The following STK33 variants were observed in gnomAD, a reference collection of about 807,000 sequenced individuals.
STK33 encodes the protein serine/threonine-protein kinase 33.
STK33 carries 52 observed loss-of-function variants against 58.0 expected under a neutral mutation model. That is an observed-to-expected ratio of 0.90 (90% CI 0.72 to 1.13). The LOEUF (loss-of-function observed/expected upper bound fraction) is 1.13. Ranked by LOEUF, STK33 falls within the 50% of genes most tolerant of loss-of-function variation. The pLI is 0.00. For synonymous variants in STK33, 215 were observed against 200.1 expected (o/e 1.07, Z -0.63); for missense variants, 630 against 604.2 (o/e 1.04, Z -0.45).
chr11:8,440,192 A>G (rs1944565008), intron 12 of STK33, among the ~76,000 whole-genome samples: 1 of 152,134 alleles, frequency 6.6e-6, no homozygotes. Flanking sequence ...TGAAAGCTCC[A>G]GCAGCACAAC....
intron 1 of STK33, among the ~76,000 whole-genome samples, chr11:8,536,131 C>T (rs972091948): frequency 3.9e-5 from 6 of 151,914 alleles, no homozygotes; most frequent in Admixed American, 3.9e-4. Context: ...ATGAAGAGAA[C>T]TGAATTAAAG....
At chr11:8,512,914 G>A (rs570914001) in intron 1 of STK33, among the ~76,000 whole-genome samples, 60 of 152,050 alleles carry the variant, frequency 3.9e-4, no homozygotes, top group Non-Finnish European at 8.2e-4. Flanking sequence ...CATATTTAGC[G>A]CCCCTAGGTT....
the STK33 span, among the ~76,000 whole-genome samples, chr11:8,358,841 C>A: frequency 6.6e-6 from 1 of 152,184 alleles, no homozygotes; most frequent in Non-Finnish European, 1.5e-5. Flanking sequence ...TACCTTCCCA[C>A]ATAGTTATTA....
intron 1 of STK33, among the ~76,000 whole-genome samples, chr11:8,550,472 G>A (rs534359523): frequency 1.3e-5 from 2 of 152,014 alleles, no homozygotes; most frequent in Non-Finnish European, 2.9e-5. Flanking sequence ...TGCACTGTCC[G>A]GCTGCAAATT....
chr11:8,459,638 T>C (rs894145783), intron 8 of STK33, among the ~76,000 whole-genome samples: 1 of 152,108 alleles, frequency 6.6e-6, no homozygotes, highest in Non-Finnish European at 1.5e-5. Flanking sequence ...GCTTGCTGTC[T>C]AGGGAGTTTC....
At chr11:8,368,823 C>T in the STK33 span, among the ~76,000 whole-genome samples, 1 of 152,246 alleles carries the variant, frequency 6.6e-6, no homozygotes, top group African/African-American at 2.4e-5. Flanking sequence ...CACCTTAAGA[C>T]ATTGGGTGGT....
At chr11:8,449,460 A>T (rs1310992436) in intron 11 of STK33, among the ~76,000 whole-genome samples, 1 of 151,686 alleles carries the variant, frequency 6.6e-6, no homozygotes, top group African/African-American at 2.4e-5. Flanking sequence ...GCCATAAAAA[A>T]TGATGAGTTC....
At chr11:8,358,292 T>C in the STK33 span, among the ~76,000 whole-genome samples, 1 of 152,286 alleles carries the variant, frequency 6.6e-6, no homozygotes, top group East Asian at 1.9e-4. Context: ...GGGGCATGTC[T>C]GAGCTCTAGA....
At chr11:8,412,121 T>A (rs2135599915) in intron 15 of STK33, among the ~76,000 whole-genome samples, 1 of 152,306 alleles carries the variant, frequency 6.6e-6, no homozygotes, top group East Asian at 1.9e-4. Context: ...TATGTAGATG[T>A]ATGTATGTGT....
the STK33 span, among the ~76,000 whole-genome samples, chr11:8,354,313 C>T: frequency 6.6e-6 from 1 of 152,058 alleles, no homozygotes; most frequent in Non-Finnish European, 1.5e-5. Context: ...ATTTCCCTTC[C>T]TCATTCCTCC....
chr11:8,487,567 C>T (rs1258990016), intron 1 of STK33, among the ~76,000 whole-genome samples: 1 of 151,750 alleles, frequency 6.6e-6, no homozygotes, highest in South Asian at 2.1e-4. Context: ...TTCTGAATAA[C>T]ATTAACTTCT....
intron 1 of STK33, among the ~76,000 whole-genome samples, chr11:8,515,268 G>C (rs1952674065): frequency 6.6e-6 from 1 of 152,108 alleles, no homozygotes; most frequent in East Asian, 1.9e-4. Context: ...AGAATCATAA[G>C]AGACTACTAC....
chr11:8,586,172 G>A (rs184502569), intron 1 of STK33, among the ~76,000 whole-genome samples: 13 of 148,988 alleles, frequency 8.7e-5, no homozygotes, highest in Admixed American at 2.7e-4. Flanking sequence ...AGCCAAGATC[G>A]TGCCACTCCA....
chr11:8,378,937 A>G, the STK33 span, among the ~76,000 whole-genome samples: 1 of 152,222 alleles, frequency 6.6e-6, no homozygotes, highest in Admixed American at 6.5e-5. Flanking sequence ...TACCAGTATA[A>G]AAGTAGACAC....
chr11:8,439,763 G>T (rs915097073), intron 12 of STK33, among the ~76,000 whole-genome samples: 2 of 150,684 alleles, frequency 1.3e-5, no homozygotes, highest in African/African-American at 4.9e-5. Context: ...GGTCATGAAA[G>T]ACCTGCTCTG....
chr11:8,460,321 G>C (rs1476124103), intron 8 of STK33, among the ~76,000 whole-genome samples: 1 of 152,064 alleles, frequency 6.6e-6, no homozygotes, highest in East Asian at 1.9e-4. Flanking sequence ...CATTAAAACA[G>C]TTATTATAAC....
At chr11:8,533,830 T>C (rs1332091490) in intron 1 of STK33, among the ~76,000 whole-genome samples, 1 of 152,194 alleles carries the variant, frequency 6.6e-6, no homozygotes, top group African/African-American at 2.4e-5. Context: ...TAATAATACA[T>C]AGCAAAAGGA....
intron 1 of STK33, among the ~76,000 whole-genome samples, chr11:8,486,157 A>T (rs1460640879): frequency 6.6e-6 from 1 of 152,170 alleles, no homozygotes; most frequent in African/African-American, 2.4e-5. Context: ...CTCTAGCCAG[A>T]ATACTCTTTC....
the STK33 span, among the ~76,000 whole-genome samples, chr11:8,385,806 G>A: frequency 1.4e-4 from 21 of 150,286 alleles, no homozygotes; most frequent in African/African-American, 3.4e-4. Context: ...ATGGAGTCTC[G>A]CTCTTTTGCC....
Sources: gnomAD v4.1 joint callset for allele counts (sites outside exome capture counted in the v4.1 genomes callset) on GRCh38, gnomAD v4.1.1 for gene constraint, MANE v1.5 for transcripts, NCBI Gene and HGNC (gene_info 2026-07-23, HGNC 2026-07-21) for gene names.